NLGN1: variants seen among roughly 807,000 people sequenced by gnomAD.
The protein encoded by NLGN1 is neuroligin-1.
A neutral mutation model predicts 65.5 loss-of-function variants in NLGN1; 12 were observed. The ratio of observed to expected loss-of-function variants is 0.18; its 90% CI spans 0.12 to 0.30. The LOEUF is 0.30. Among genes scored for constraint, NLGN1 ranks in the 10% least tolerant of loss-of-function variants. The probability of loss-of-function intolerance (pLI) is 1.00; values close to 1 mark genes in which losing one functional copy is unlikely to be tolerated. For synonymous variants in NLGN1, 350 were observed against 359.5 expected (o/e 0.97, Z 0.30); for missense variants, 750 against 1,007.1 (o/e 0.74, Z 3.46).
At chr3:174,077,531 C>CTTCT (rs896576717) in intron 4 of NLGN1, among the ~76,000 whole-genome samples, 12 of 151,470 alleles carry the variant, frequency 7.9e-5, no homozygotes, top group African/African-American at 1.9e-4. Flanking sequence ...AGACTTTTAG[C>CTTCT]TTCTTTCTTT....
rs554665547 is a variant in NLGN1, at chr3:173,707,817, A to C, written c.494-99863A>C. On this transcript the variant is annotated intron_variant, in intron 3 of 6. Transcript: ENST00000457714. ...CTTGCCTGCTGCCAATATTAATCCC[A>C]ATGGACTGTGAGATAGGGATATGGT... Among the ~76,000 whole-genome samples, 104 of 152,302 alleles carry C rather than the reference A, an allele frequency of 6.8e-4. 1 individual carries two copies. The highest frequency in any genetic ancestry group is 2.4e-3 in the African/African-American group (99 of 41,572).
chr3:174,033,195 C>G (rs1730406294), intron 4 of NLGN1, among the ~76,000 whole-genome samples: 1 of 152,096 alleles, frequency 6.6e-6, no homozygotes, highest in South Asian at 2.1e-4. Context: ...ATGCAAGACA[C>G]AGACTTTCTC....
At chr3:174,259,937 T>C (rs530450087) in intron 4 of NLGN1, among the ~76,000 whole-genome samples, 3 of 143,190 alleles carry the variant, frequency 2.1e-5, no homozygotes, top group South Asian at 4.7e-4. Flanking sequence ...ATACGGTGTT[T>C]GGTTTTTTGT....
At chr3:173,591,505 T>A (rs542597222) in intron 2 of NLGN1, among the ~76,000 whole-genome samples, 1 of 152,236 alleles carries the variant, frequency 6.6e-6, no homozygotes, top group Admixed American at 6.5e-5. Context: ...TAAACAATAG[T>A]CACCACAGTA....
At chr3:174,187,174 G>A (rs1731560720) in intron 4 of NLGN1, among the ~76,000 whole-genome samples, 1 of 151,294 alleles carries the variant, frequency 6.6e-6, no homozygotes, top group Non-Finnish European at 1.5e-5. Flanking sequence ...TCAATGATTG[G>A]TAGAATTCAC....
chr3:173,854,236 T>G lies in NLGN1; in HGVS notation c.646+46404T>G, dbSNP rs537779462. Reference sequence around the variant, plus strand: ...CAGTATAGCTTTTTAAAATAGCCACTTAGGAACTCATTTTAATTAAAGTAA... The same window carrying G: ...CAGTATAGCTTTTTAAAATAGCCACGTAGGAACTCATTTTAATTAAAGTAA... On this transcript the variant is annotated intron_variant, in intron 4 of 6. Coordinates refer to ENST00000457714, the Ensembl canonical transcript of NLGN1. Among the ~76,000 whole-genome samples, 22 of 152,168 alleles carry G rather than the reference T, an allele frequency of 1.4e-4. No individual in the cohort carries two copies. The South Asian group carries it at 4.3e-3, about 30-fold the overall frequency.
At chr3:174,112,091 G>A (rs895795844) in intron 4 of NLGN1, among the ~76,000 whole-genome samples, 2 of 151,768 alleles carry the variant, frequency 1.3e-5, no homozygotes, top group Admixed American at 1.3e-4. Context: ...ACAAAGTAAT[G>A]TCTGAATAAT....
intron 2 of NLGN1, among the ~76,000 whole-genome samples, chr3:173,500,229 A>G (rs1730825790): frequency 6.6e-6 from 1 of 152,194 alleles, no homozygotes; most frequent in African/African-American, 2.4e-5. Context: ...ACATCCCATG[A>G]ATACCTAATT....
chr3:173,441,876 G>A (rs943305279), intron 2 of NLGN1, among the ~76,000 whole-genome samples: 1 of 152,132 alleles, frequency 6.6e-6, no homozygotes, highest in Admixed American at 6.5e-5. Flanking sequence ...ATCAAACAAG[G>A]TATGCCTGTA....
At chr3:173,557,274 C>T (rs1203065648) in intron 2 of NLGN1, among the ~76,000 whole-genome samples, 1 of 152,132 alleles carries the variant, frequency 6.6e-6, no homozygotes, top group African/African-American at 2.4e-5. Context: ...CATAGCCACA[C>T]CAGATCTCTT....
intron 4 of NLGN1, among the ~76,000 whole-genome samples, chr3:173,944,063 C>T (rs1358976871): frequency 6.6e-6 from 1 of 151,068 alleles, no homozygotes; most frequent in Non-Finnish European, 1.5e-5. Context: ...AAACAAGGAA[C>T]TGAAACGTTT....
chr3:173,461,850 C>A (rs928545373), intron 2 of NLGN1, among the ~76,000 whole-genome samples: 2 of 152,128 alleles, frequency 1.3e-5, no homozygotes, highest in Non-Finnish European at 2.9e-5. Context: ...AAATGTCTTA[C>A]TACTTAGTAG....
At chr3:173,657,230 T>C (rs1760187808) in intron 3 of NLGN1, among the ~76,000 whole-genome samples, 1 of 151,954 alleles carries the variant, frequency 6.6e-6, no homozygotes, top group African/African-American at 2.4e-5. Context: ...GATCCTCTGC[T>C]TCCTAAATAG....
intron 2 of NLGN1, among the ~76,000 whole-genome samples, chr3:173,482,361 T>C (rs557627044): frequency 2.4e-4 from 37 of 152,040 alleles, no homozygotes; most frequent in Admixed American, 2.4e-3. Context: ...TGTGATATAA[T>C]TTTTTAACAC....
the NLGN1 span, among the ~76,000 whole-genome samples, chr3:174,294,304 G>A: frequency 7.2e-4 from 109 of 150,848 alleles, no homozygotes; most frequent in South Asian, 5.2e-3. Flanking sequence ...TTTTCTATTC[G>A]TTTATTAATC....
intron 4 of NLGN1, among the ~76,000 whole-genome samples, chr3:174,007,633 C>T (rs146409020): frequency 4.3e-4 from 65 of 152,258 alleles, no homozygotes; most frequent in Middle Eastern, 3.4e-3. Context: ...CCAGATCTAA[C>T]GAGACATGCA....
At chr3:173,621,549 A>C (rs571520348) in intron 3 of NLGN1, among the ~76,000 whole-genome samples, 1 of 152,226 alleles carries the variant, frequency 6.6e-6, no homozygotes, top group African/African-American at 2.4e-5. Context: ...GAGTGGTTTC[A>C]GTAAAGGGTG....
At chr3:173,754,578 T>C (rs1271190496) in intron 3 of NLGN1, among the ~76,000 whole-genome samples, 1 of 152,126 alleles carries the variant, frequency 6.6e-6, no homozygotes, top group Non-Finnish European at 1.5e-5. Flanking sequence ...TTGTGCTGTA[T>C]CCCCTGGGCT....
At chr3:174,088,715 T>C (rs1743913213) in intron 4 of NLGN1, among the ~76,000 whole-genome samples, 1 of 151,280 alleles carries the variant, frequency 6.6e-6, no homozygotes, top group Non-Finnish European at 1.5e-5. Context: ...ATCGCGCCAC[T>C]GCACTCCAGC....
Sources: gnomAD v4.1 joint callset for allele counts (sites outside exome capture counted in the v4.1 genomes callset) on GRCh38, gnomAD v4.1.1 for gene constraint, MANE v1.5 for transcripts, NCBI Gene and HGNC (gene_info 2026-07-23, HGNC 2026-07-21) for gene names.